NKAIN1: variants seen among roughly 807,000 people sequenced by gnomAD.
NKAIN1 encodes the protein sodium/potassium transporting ATPase interacting 1.
A neutral mutation model predicts 31.6 loss-of-function variants in NKAIN1; 13 were observed. The ratio of observed to expected loss-of-function variants is 0.41; its 90% confidence interval spans 0.27 to 0.65. NKAIN1 has a LOEUF of 0.65. NKAIN1 is among the 30% of genes least tolerant of loss of function. NKAIN1 has a pLI of 0.30. For synonymous variants in NKAIN1, 104 were observed against 109.0 expected (o/e 0.95, Z 0.28); for missense variants, 193 against 262.2 (o/e 0.74, Z 1.82).
At chr1:31,200,025 G>GCGCGCA (rs1553162440) in intron 1 of NKAIN1, among the ~76,000 whole-genome samples, 1 of 49,320 alleles carries the variant, frequency 2.0e-5, no homozygotes, top group South Asian at 7.4e-4. Context: ...ACACACACAC[G>GCGCGCA]CACACACACA....
chr1:31,189,004 C>T (rs1489868890), intron 1 of NKAIN1, among the ~76,000 whole-genome samples: 1 of 151,176 alleles, frequency 6.6e-6, no homozygotes. Context: ...CAGAGTGAGA[C>T]CCCGTCTCAA....
intron 1 of NKAIN1, among the ~76,000 whole-genome samples, chr1:31,231,383 A>G (rs1645646618): frequency 7.1e-6 from 1 of 140,000 alleles, no homozygotes; most frequent in African/African-American, 2.7e-5. Flanking sequence ...CATGTTACCC[A>G]GGCTGGTCTC....
chr1:31,223,322 A>T lies in NKAIN1; in HGVS notation c.54+16172T>A, dbSNP rs182176347. Among the ~76,000 whole-genome samples the T allele has an allele frequency of 1.5e-3, 227 of 147,280 alleles. 2 individuals carry two copies. The highest frequency in any genetic ancestry group is 5.4e-3 in the African/African-American group (215 of 39,824). ...ACCTGGGAGGCGGAGGTTGCCATGA[A>T]CTGAGATTGCTCCACTGCACTCCAG... On this transcript the variant is annotated intron_variant, in intron 1 of 6. Transcript: ENST00000373736.
Position 31,220,108 on chromosome 1 carries a change from A to G in NKAIN1, c.54+19386T>C, listed in dbSNP as rs369380189. 7.3e-5 allele frequency among the ~76,000 whole-genome samples: 11 copies of G among 150,966 alleles called. No homozygotes were observed. In the East Asian group the frequency reaches 1.6e-3, roughly 22 times the overall value. ...CTGCAACCTCTGCCTCCCGGGTTCA[A>G]GCAATTCTCATGCCTCAGCCACCTG... On this transcript the variant is annotated intron_variant, in intron 1 of 6. Coordinates refer to ENST00000373736, the MANE Select transcript of NKAIN1 (RefSeq NM_024522.3).
chr1:31,186,828 G>A (rs1282476579), intron 2 of NKAIN1, among the ~76,000 whole-genome samples: 1 of 152,210 alleles, frequency 6.6e-6, no homozygotes, highest in Non-Finnish European at 1.5e-5. Flanking sequence ...AGCAATGCTG[G>A]AGCAGCAATG....
At chr1:31,182,011 G>A (rs1163237973) in intron 5 of NKAIN1, 70 bp from the exon 6 acceptor site, 2 of 1,465,018 alleles carry the variant, frequency 1.4e-6, no homozygotes, top group Non-Finnish European at 1.9e-6. Flanking sequence ...GGGTCCTGAA[G>A]GGGAAGAATC....
Position 31,181,694 on chromosome 1 carries a change from G to A in NKAIN1, c.*9C>T. 1 of 1,470,702 alleles carries A rather than the reference G, an allele frequency of 6.8e-7. No homozygotes were observed. The highest frequency in any genetic ancestry group is 9.1e-7 in the Non-Finnish European group (1 of 1,104,866). 91.1% of individuals were successfully genotyped at this position (1,470,702 alleles called of 1,614,324 possible). A position where few individuals can be genotyped will look rare whatever the true frequency, so the allele number is the denominator to read the frequency against. ...AGGGCGAGGCGCCGGGGTGGGCGCG[G>A]GGCAGAGGCTACCCCGACCTGCGGG... is the stretch of plus-strand genomic sequence containing the variant. On this transcript the variant is annotated 3_prime_UTR_variant, in exon 7 of 7. Coordinates refer to ENST00000373736, the MANE Select transcript of NKAIN1 (RefSeq NM_024522.3).
At chr1:31,187,935 C>A in intron 2 of NKAIN1, 115 bp downstream of exon 2, 1 of 1,152,112 alleles carries the variant, frequency 8.7e-7, no homozygotes, top group South Asian at 1.6e-5. Context: ...TTGGGTGGAG[C>A]CAAGACCAGT....
chr1:31,211,928 T>C (rs4949199), intron 1 of NKAIN1, among the ~76,000 whole-genome samples: 102,105 of 151,842 alleles, frequency 0.67, 35,205 homozygotes, highest in Middle Eastern at 0.86. Flanking sequence ...GGAGACAGAG[T>C]GAGACTCTGT....
intron 1 of NKAIN1, among the ~76,000 whole-genome samples, chr1:31,207,667 C>A (rs1051474630): frequency 6.6e-6 from 1 of 152,102 alleles, no homozygotes; most frequent in Admixed American, 6.6e-5. Context: ...GAGGAACAGC[C>A]CCTGCCCTGG....
chr1:31,209,362 C>G (rs1234277122), intron 1 of NKAIN1, among the ~76,000 whole-genome samples: 1 of 151,582 alleles, frequency 6.6e-6, no homozygotes, highest in East Asian at 2.0e-4. Context: ...GTAACAAGAG[C>G]AAAACTCCAT....
At position 31,239,439 on chromosome 1, in the gene NKAIN1, A is replaced by G; in HGVS notation, c.54+55T>C. 1 of 1,364,696 alleles carries G rather than the reference A, an allele frequency of 7.3e-7. No individual in the cohort carries two copies. The highest frequency in any genetic ancestry group is 9.6e-7 in the Non-Finnish European group (1 of 1,042,176). 84.5% of individuals were successfully genotyped at this position (1,364,696 alleles called of 1,614,324 possible). On this transcript the variant is annotated intron_variant, in intron 1 of 6. Coordinates refer to ENST00000373736, the MANE Select transcript of NKAIN1 (RefSeq NM_024522.3). This position sits in a 1 kb window ranked among gnomAD's most constrained non-coding sequence, Gnocchi z 4.8. The stretch of plus-strand genomic sequence containing the variant: ...CGCAACCCCACCCGCACGCCCTGGG[A>G]CCGCGCCCCGCCGCGCCCCACCCTG...
chr1:31,218,016 T>TTTTCTCTTTCTTTCTTTCTTTC, intron 1 of NKAIN1, among the ~76,000 whole-genome samples: 1 of 108,242 alleles, frequency 9.2e-6, no homozygotes. Flanking sequence ...GCAGCTACCA[T>TTTTCTCTTTCTTTCTTTCTTTC]TTTCTTTCTT....
At chr1:31,182,415 A>C in intron 5 of NKAIN1, 115 bp downstream of exon 5, 1 of 1,150,706 alleles carries the variant, frequency 8.7e-7, no homozygotes, top group Non-Finnish European at 1.3e-6. Context: ...TCCCCTCGAA[A>C]GGGGCCCGTG....
In NKAIN1 at chr1:31,184,016, TG is replaced by T. The variant is rs754278461; in HGVS notation, c.274-3del. 4 of 1,612,538 alleles carry T rather than the reference TG, an allele frequency of 2.5e-6. No individual in the cohort carries two copies. Among genetic ancestry groups the T allele is most frequent in the Non-Finnish European group, 3.4e-6 (4 of 1,179,432 alleles). On this transcript the variant is annotated splice_polypyrimidine_tract_variant and splice_region_variant and intron_variant, in intron 3 of 6. Coordinates refer to ENST00000373736, the MANE Select transcript of NKAIN1 (RefSeq NM_024522.3). ...GAAGGTCATGATGAAGTCCCGGTCC[TG>T]GGGGCAAAGGGGCCTGGGATACTGA...
chr1:31,212,864 G>A (rs1478168916), intron 1 of NKAIN1, among the ~76,000 whole-genome samples: 2 of 152,016 alleles, frequency 1.3e-5, no homozygotes, highest in Non-Finnish European at 2.9e-5. Context: ...GGGCGTGGTG[G>A]CAGGCGCCTG....
chr1:31,227,979 A>G (rs1465858930), intron 1 of NKAIN1, among the ~76,000 whole-genome samples: 2 of 152,192 alleles, frequency 1.3e-5, no homozygotes, highest in East Asian at 1.9e-4. Context: ...GAAGCCTCAG[A>G]AACAATCCAA....
chr1:31,189,950 G>A (rs1645273029), intron 1 of NKAIN1, among the ~76,000 whole-genome samples: 1 of 152,176 alleles, frequency 6.6e-6, no homozygotes, highest in Non-Finnish European at 1.5e-5. Context: ...GAGTGTGTGT[G>A]GGAGGAAGAC....
At chr1:31,187,909 TTCACCCCA>T in intron 2 of NKAIN1, 133 bp downstream of exon 2, 1 of 875,896 alleles carries the variant, frequency 1.1e-6, no homozygotes, top group South Asian at 2.0e-5. Context: ...GCTGTGCACA[TTCACCCCA>T]TCTTGTTTTG....
Sources: allele counts gnomAD v4.1 joint callset (sites outside exome capture counted in the v4.1 genomes callset), GRCh38; gene constraint gnomAD v4.1.1; non-coding constraint Gnocchi (gnomAD v3.1); transcripts MANE v1.5; gene names NCBI Gene and HGNC (gene_info 2026-07-23, HGNC 2026-07-21).